Variants in WDR1 observed in about 807,000 individuals in gnomAD.
WDR1 encodes WD repeat-containing protein 1.
Under a neutral mutation model 71.9 loss-of-function variants are expected in WDR1, and 21 were observed. That is an observed-to-expected ratio of 0.29 (90% CI 0.21 to 0.42). WDR1 has a LOEUF of 0.42. Among genes scored for constraint, WDR1 ranks in the 10% least tolerant of loss-of-function variants. WDR1 has a pLI of 1.00. For synonymous variants in WDR1, 424 were observed against 347.4 expected, an observed-to-expected ratio of 1.22 and a Z score of -2.45; for missense variants, 696 against 824.5, an observed-to-expected ratio of 0.84 and a Z score of 1.91.
chr4:10,099,269 A>G, intron 3 of WDR1, 130 bp from the exon 4 acceptor site: 1 of 736,494 alleles, frequency 1.4e-6, no homozygotes, highest in Non-Finnish European at 2.2e-6. Context: ...CTGGTTGCTT[A>G]GGCTTTCTAG....
intron 5 of WDR1, chr4:10,092,335 C>T (rs1192016722): frequency 6.6e-6 from 1 of 152,340 alleles, no homozygotes; most frequent in Non-Finnish European, 1.5e-5. Flanking sequence ...CTGTTCAATT[C>T]CAACCTGTCA....
At chr4:10,099,907 C>A (rs1346866617) in intron 3 of WDR1, among the ~76,000 whole-genome samples, 1 of 152,172 alleles carries the variant, frequency 6.6e-6, no homozygotes, top group African/African-American at 2.4e-5. Context: ...GCGTGGGCAG[C>A]CAATTGTAAC....
In WDR1 at chr4:10,077,939, C is replaced by G. The variant is rs763816891; in HGVS notation, c.1396-13G>C. On this transcript the variant is annotated splice_polypyrimidine_tract_variant and intron_variant, in intron 12 of 14. Transcript: ENST00000499869. ...GGACGTTGCCGTCCTACGGCAGGGA[C>G]AGAGAGGAAGTGAGCCACCCCTGAA... 1.3e-6 allele frequency: 2 copies of G among 1,593,644 alleles called. No individual in the cohort carries two copies. Among genetic ancestry groups the G allele is most frequent in the Non-Finnish European group, 8.6e-7 (1 of 1,168,142 alleles).
At chr4:10,081,528 G>T in intron 10 of WDR1, 84 bp from the exon 11 acceptor site, 1 of 1,331,458 alleles carries the variant, frequency 7.5e-7, no homozygotes, top group Non-Finnish European at 1.1e-6. Flanking sequence ...TTAAACCACA[G>T]TTTTGCTCCT....
At position 10,116,757 on chromosome 4, in the gene WDR1, G is replaced by A. The variant is rs1335565954; in HGVS notation, c.-91C>T. ...ACACCTCGCCGAGGCCGAGCCCGGG[G>A]ACTGGAGCCGGAAGGCGGCACCGGG... On this transcript the variant is annotated 5_prime_UTR_variant, in exon 1 of 15. Transcript: ENST00000499869. 3.3e-5 allele frequency: 41 copies of A among 1,237,078 alleles called. 1 individual carries two copies. Among genetic ancestry groups the A allele is most frequent in the African/African-American group, 2.5e-4 (16 of 63,494 alleles). The allele number at this position is 1,237,078 out of a possible 1,614,324, so 76.6% of individuals were successfully genotyped here.
chr4:10,115,975 G>T, intron 2 of WDR1, 138 bp downstream of exon 2: 1 of 1,222,476 alleles, frequency 8.2e-7, no homozygotes. Context: ...TCCGAGGTGT[G>T]GCTCCCGGTA....
intron 4 of WDR1, among the ~76,000 whole-genome samples, chr4:10,098,381 G>A (rs1219304380): frequency 6.6e-6 from 1 of 152,246 alleles, no homozygotes. Flanking sequence ...GTACGAGAAA[G>A]TGCCATTCAG....
chr4:10,088,216 G>A (rs1337689608), intron 7 of WDR1, 77 bp downstream of exon 7: 47 of 1,373,718 alleles, frequency 3.4e-5, no homozygotes, highest in Non-Finnish European at 3.8e-5. Flanking sequence ...GTCTAACTCC[G>A]GAGTGAGTGT....
At chr4:10,105,281 C>A (rs1182366505) in intron 2 of WDR1, among the ~76,000 whole-genome samples, 3 of 152,156 alleles carry the variant, frequency 2.0e-5, no homozygotes, top group Admixed American at 1.3e-4. Flanking sequence ...CTCTGCTGTG[C>A]CCTGCTTAAC....
intron 5 of WDR1, chr4:10,091,456 C>G (rs1711976056): frequency 6.6e-6 from 1 of 152,264 alleles, no homozygotes; most frequent in South Asian, 2.1e-4. Flanking sequence ...CCATGGAGAG[C>G]CTGCGGGCAA....
At chr4:10,085,467 G>C (rs1765173946) in intron 8 of WDR1, among the ~76,000 whole-genome samples, 1 of 152,198 alleles carries the variant, frequency 6.6e-6, no homozygotes, top group South Asian at 2.1e-4. Flanking sequence ...CACTGAGCTG[G>C]GCGGCCTCCT....
chr4:10,115,375 A>G (rs1488416008), intron 2 of WDR1, among the ~76,000 whole-genome samples: 8 of 152,228 alleles, frequency 5.3e-5, no homozygotes, highest in Non-Finnish European at 1.2e-4. Flanking sequence ...CAGCCTGGGT[A>G]CCGGAGGCTT....
rs1711694460 is a variant in WDR1, at chr4:10,087,946, C to T, written c.718-6G>A. On this transcript the variant is annotated splice_region_variant and splice_polypyrimidine_tract_variant and intron_variant, in intron 7 of 14. Coordinates refer to ENST00000499869, the MANE Select transcript of WDR1 (RefSeq NM_017491.5). ...CTGTCGGGACTCCAACTAATCTATT[C>T]AGAAAAAAGCAGTGTGTCATGTGCC... 2 of 1,545,988 alleles carry T rather than the reference C, an allele frequency of 1.3e-6. No individual in the cohort carries two copies. Among genetic ancestry groups the T allele is most frequent in the Admixed American group, 2.0e-5 (1 of 50,216 alleles).
intron 11 of WDR1, among the ~76,000 whole-genome samples, chr4:10,079,466 C>A (rs1365322693): frequency 6.6e-6 from 1 of 152,244 alleles, no homozygotes; most frequent in Non-Finnish European, 1.5e-5. Context: ...GCTTATGCTG[C>A]ACGCCCAAGG....
chr4:10,078,779 C>A, intron 12 of WDR1, 112 bp downstream of exon 12: 2 of 908,392 alleles, frequency 2.2e-6, no homozygotes, highest in South Asian at 3.4e-5. Context: ...CCCATCCTTC[C>A]CCTGACCCCT....
At chr4:10,115,991 G>C in intron 2 of WDR1, 122 bp downstream of exon 2, 1 of 1,362,636 alleles carries the variant, frequency 7.3e-7, no homozygotes, top group South Asian at 1.4e-5. Context: ...CGGTAGAGGG[G>C]GCGTGGCGCC....
chr4:10,103,687 G>C (rs1438780016), intron 3 of WDR1, among the ~76,000 whole-genome samples: 1 of 152,176 alleles, frequency 6.6e-6, no homozygotes, highest in Non-Finnish European at 1.5e-5. Flanking sequence ...ATGGGCCACC[G>C]GTTGGACAAG....
Position 10,077,741 on chromosome 4 carries a change from G to T in WDR1, c.1569+12C>A. ...CAGCACGGGGACAGAGGAGGAGCCC[G>T]CCGCCACTCACCGAGTAGCCGTCAG... On this transcript the variant is annotated intron_variant, in intron 13 of 14. Transcript: ENST00000499869. 1.9e-6 allele frequency: 3 copies of T among 1,562,990 alleles called. No individual in the cohort carries two copies. In the South Asian group the frequency reaches 3.6e-5, roughly 19 times the overall value.
intron 2 of WDR1, among the ~76,000 whole-genome samples, chr4:10,114,139 G>C (rs1372391565): frequency 6.6e-6 from 1 of 152,206 alleles, no homozygotes; most frequent in African/African-American, 2.4e-5. Flanking sequence ...CTCAGTGCCT[G>C]ATCTACATCC....
Sources: gnomAD v4.1 joint callset for allele counts (sites outside exome capture counted in the v4.1 genomes callset) on GRCh38, gnomAD v4.1.1 for gene constraint, MANE v1.5 for transcripts, NCBI Gene and HGNC (gene_info 2026-07-23, HGNC 2026-07-21) for gene names.